Variants in AGBL4 observed in about 807,000 individuals in gnomAD.
The protein encoded by AGBL4 is AGBL carboxypeptidase 4.
Under a neutral mutation model 66.4 loss-of-function variants are expected in AGBL4, and 58 were observed. The observed-to-expected ratio is 0.87, with a 90% CI of 0.71 to 1.09. The LOEUF is 1.09. Ranked by LOEUF, AGBL4 falls within the 50% of genes least tolerant of loss-of-function variation. The pLI is 0.00. For missense variants in AGBL4, 579 were observed against 631.0 expected (o/e 0.92, Z 0.88); for synonymous variants, 234 against 222.9 (o/e 1.05, Z -0.44).
At chr1:48,818,075 TCTC>T (rs1390822835) in intron 6 of AGBL4, 3 of 714,692 alleles carry the variant, frequency 4.2e-6, no homozygotes, top group African/African-American at 3.5e-5. Context: ...AGGCCACCAT[TCTC>T]CTTCAGAAGC....
chr1:49,798,201 A>G (rs1338530168), intron 2 of AGBL4, among the ~76,000 whole-genome samples: 2 of 152,356 alleles, frequency 1.3e-5, no homozygotes, highest in East Asian at 1.9e-4. Context: ...AGGTTTGGTT[A>G]TACTTATGCT....
rs1218921490 is a variant in AGBL4, at chr1:49,478,107, T to C, written c.282+219206A>G. On this transcript the variant is annotated intron_variant, in intron 3 of 13. Coordinates refer to ENST00000371839, the MANE Select transcript of AGBL4 (RefSeq NM_032785.4). ...TTTAAAAGAGCAAATCTAAGAGTCA[T>C]TGGGCTTAAAGAGGAGGTAGAGAAA... Among the ~76,000 whole-genome samples, 4 of 151,980 alleles carry C rather than the reference T, an allele frequency of 2.6e-5. No individual in the cohort carries two copies. In the East Asian group the frequency reaches 7.8e-4, roughly 30 times the overall value.
At chr1:49,486,293 T>C (rs1647064950) in intron 3 of AGBL4, among the ~76,000 whole-genome samples, 1 of 152,054 alleles carries the variant, frequency 6.6e-6, no homozygotes, top group Non-Finnish European at 1.5e-5. Flanking sequence ...GATGTCATCA[T>C]ATGTATTGTT....
At chr1:48,803,946 C>A (rs532366537) in intron 6 of AGBL4, among the ~76,000 whole-genome samples, 3 of 152,154 alleles carry the variant, frequency 2.0e-5, no homozygotes, top group Non-Finnish European at 4.4e-5. Flanking sequence ...GTCATTTTGT[C>A]ATTTTGGATA....
chr1:48,929,464 A>G (rs925461408), intron 5 of AGBL4, among the ~76,000 whole-genome samples: 2 of 152,196 alleles, frequency 1.3e-5, no homozygotes, highest in African/African-American at 2.4e-5. Flanking sequence ...TTTATAACTC[A>G]GCTCAAAATC....
chr1:49,080,505 C>T (rs1435288307), intron 4 of AGBL4, among the ~76,000 whole-genome samples: 2 of 152,102 alleles, frequency 1.3e-5, no homozygotes, highest in African/African-American at 2.4e-5. Flanking sequence ...GTTTCTCCTC[C>T]CTTTGATTTT....
chr1:49,763,595 G>A (rs930230371), intron 2 of AGBL4, among the ~76,000 whole-genome samples: 3 of 152,172 alleles, frequency 2.0e-5, no homozygotes, highest in Admixed American at 6.5e-5. Flanking sequence ...GACTAGCATG[G>A]AGCCAGGGGA....
Position 49,672,932 on chromosome 1 carries a change from A to C in AGBL4, c.282+24381T>G, listed in dbSNP as rs113360780. ...GCAAAACTCCATCTCAAAAAAAAAA[A>C]AAAAAAAAAGAAAAGAAAAGATAGA... On this transcript the variant is annotated intron_variant, in intron 3 of 13. Transcript: ENST00000371839. Among the ~76,000 whole-genome samples the C allele has an allele frequency of 6.6e-5, 10 of 150,524 alleles. 1 individual carries two copies. Among genetic ancestry groups the C allele is most frequent in the African/African-American group, 2.4e-4 (10 of 41,286 alleles).
intron 4 of AGBL4, among the ~76,000 whole-genome samples, chr1:49,233,913 A>G (rs1283554946): frequency 2.0e-5 from 3 of 152,212 alleles, no homozygotes. Context: ...AGGTTAGCCA[A>G]TGAAATTTGA....
At chr1:48,618,663 TG>T (rs1408922632) in intron 9 of AGBL4, among the ~76,000 whole-genome samples, 5 of 152,208 alleles carry the variant, frequency 3.3e-5, no homozygotes, top group Admixed American at 6.5e-5. Flanking sequence ...CCTCAGGCTA[TG>T]GCAACAACCT....
chr1:49,506,145 G>T (rs1049989143), intron 3 of AGBL4, among the ~76,000 whole-genome samples: 3 of 151,814 alleles, frequency 2.0e-5, no homozygotes, highest in Non-Finnish European at 4.4e-5. Context: ...AGGGGTCAGC[G>T]AACTTTTTGT....
At chr1:49,158,580 T>C (rs1646479613) in intron 4 of AGBL4, among the ~76,000 whole-genome samples, 1 of 152,004 alleles carries the variant, frequency 6.6e-6, no homozygotes, top group Non-Finnish European at 1.5e-5. Context: ...ATGTCTATTA[T>C]TTTTGCCTGG....
At chr1:48,893,711 T>C (rs905744995) in intron 5 of AGBL4, among the ~76,000 whole-genome samples, 1 of 151,444 alleles carries the variant, frequency 6.6e-6, no homozygotes, top group Non-Finnish European at 1.5e-5. Flanking sequence ...AATAAAAAGA[T>C]AAAAAAGACT....
At chr1:49,210,768 A>T (rs1313179324) in intron 4 of AGBL4, among the ~76,000 whole-genome samples, 1 of 152,080 alleles carries the variant, frequency 6.6e-6, no homozygotes, top group Non-Finnish European at 1.5e-5. Flanking sequence ...AATACTGAAC[A>T]CAAGGTGAGC....
At chr1:49,285,892 G>T (rs566547965) in intron 3 of AGBL4, among the ~76,000 whole-genome samples, 27 of 152,168 alleles carry the variant, frequency 1.8e-4, no homozygotes, top group African/African-American at 3.6e-4. Context: ...TACCAAAGCC[G>T]GGCAGAGACA....
intron 5 of AGBL4, among the ~76,000 whole-genome samples, chr1:48,886,079 G>A (rs1047514624): frequency 6.6e-6 from 1 of 152,182 alleles, no homozygotes; most frequent in Admixed American, 6.5e-5. Context: ...GGTCAGGTGG[G>A]GCTCAGGACA....
At chr1:49,565,868 T>G (rs1644186505) in intron 3 of AGBL4, among the ~76,000 whole-genome samples, 1 of 152,228 alleles carries the variant, frequency 6.6e-6, no homozygotes, top group Non-Finnish European at 1.5e-5. Context: ...ATTGGGGAAG[T>G]TCTCCTGGAT....
chr1:49,844,993 C>T, intron 2 of AGBL4: 4 of 1,413,924 alleles, frequency 2.8e-6, no homozygotes, highest in Non-Finnish European at 3.9e-6. Context: ...ACAACAAGGC[C>T]CCCACACGTG....
intron 3 of AGBL4, among the ~76,000 whole-genome samples, chr1:49,694,239 T>C (rs947184830): frequency 2.0e-5 from 3 of 152,008 alleles, no homozygotes; most frequent in Admixed American, 6.6e-5. Context: ...ATTTGAGAGA[T>C]GAAAAAAAGA....
Sources: allele counts gnomAD v4.1 joint callset (sites outside exome capture counted in the v4.1 genomes callset), GRCh38; gene constraint gnomAD v4.1.1; transcripts MANE v1.5; gene names NCBI Gene and HGNC (gene_info 2026-07-23, HGNC 2026-07-21).